KCNIP1: variants seen among roughly 807,000 people sequenced by gnomAD.
KCNIP1 encodes the protein potassium voltage-gated channel interacting protein 1, also known as A-type potassium channel modulatory protein KCNIP1.
A neutral mutation model predicts 33.0 loss-of-function variants in KCNIP1; 18 were observed. That is an observed-to-expected ratio of 0.55 (90% CI 0.38 to 0.81). The LOEUF is 0.81. Among genes scored for constraint, KCNIP1 ranks in the 30% least tolerant of loss-of-function variants. The pLI is 0.00. For synonymous variants in KCNIP1, 93 were observed against 98.3 expected, an observed-to-expected ratio of 0.95 and a Z score of 0.32; for missense variants, 238 against 271.6, an observed-to-expected ratio of 0.88 and a Z score of 0.87.
chr5:170,433,161 G>A (rs1581187795), intron 1 of KCNIP1, among the ~76,000 whole-genome samples: 1 of 152,104 alleles, frequency 6.6e-6, no homozygotes, highest in African/African-American at 2.4e-5. Context: ...GAACCCAGGT[G>A]CCGATGTTTT....
At chr5:170,734,221 C>T (rs1354792050) in intron 7 of KCNIP1, among the ~76,000 whole-genome samples, 1 of 146,048 alleles carries the variant, frequency 6.8e-6, no homozygotes, top group Non-Finnish European at 1.5e-5. Flanking sequence ...GCTTGATGAC[C>T]CATTTCCCAG....
At chr5:170,386,134 C>CA (rs1354580649) in intron 1 of KCNIP1, among the ~76,000 whole-genome samples, 3 of 142,190 alleles carry the variant, frequency 2.1e-5, no homozygotes, top group Non-Finnish European at 4.6e-5. Flanking sequence ...AAAAAAAAAA[C>CA]AAAAAACAAA....
intron 1 of KCNIP1, among the ~76,000 whole-genome samples, chr5:170,388,864 C>T (rs314106): frequency 0.38 from 57,609 of 152,080 alleles, 11,010 homozygotes; most frequent in African/African-American, 0.44. Flanking sequence ...AAATCAGCCC[C>T]CAGTAAATAT....
intron 1 of KCNIP1, among the ~76,000 whole-genome samples, chr5:170,576,727 G>A (rs1040669296): frequency 1.3e-5 from 2 of 152,068 alleles, no homozygotes; most frequent in African/African-American, 2.4e-5. Flanking sequence ...AATTAACCTG[G>A]TACCTGTCAC....
intron 1 of KCNIP1, among the ~76,000 whole-genome samples, chr5:170,406,648 T>A (rs1317576333): frequency 6.6e-6 from 1 of 152,152 alleles, no homozygotes; most frequent in African/African-American, 2.4e-5. Flanking sequence ...GGAAAGCGGT[T>A]TATTTCTCCT....
At chr5:170,417,746 C>T (rs1178824575) in intron 1 of KCNIP1, among the ~76,000 whole-genome samples, 1 of 152,218 alleles carries the variant, frequency 6.6e-6, no homozygotes, top group Non-Finnish European at 1.5e-5. Context: ...TGAGTCAAAT[C>T]ACCTGAACAT....
intron 1 of KCNIP1, among the ~76,000 whole-genome samples, chr5:170,398,198 A>G (rs1754808471): frequency 6.6e-6 from 1 of 152,184 alleles, no homozygotes; most frequent in Non-Finnish European, 1.5e-5. Context: ...TTTTCAGGTT[A>G]CTTTTGGAAT....
chr5:170,630,889 G>C (rs1760028701), intron 1 of KCNIP1, among the ~76,000 whole-genome samples: 1 of 152,168 alleles, frequency 6.6e-6, no homozygotes. Context: ...GATGAGTGCA[G>C]CGTGCAGATA....
upstream of KCNIP1, among the ~76,000 whole-genome samples, chr5:170,503,346 A>G (rs1757454684): frequency 6.7e-6 from 1 of 149,586 alleles, no homozygotes; most frequent in Admixed American, 6.7e-5. Context: ...GTGAGCAGAG[A>G]TCGCACCACT....
chr5:170,678,925 T>C (rs1762236182), intron 1 of KCNIP1: 1 of 152,216 alleles, frequency 6.6e-6, no homozygotes, highest in African/African-American at 2.4e-5. Flanking sequence ...AGTATTGACT[T>C]ACCAGAAACA....
rs79715121 is a variant in KCNIP1 at position 170,555,266 on chromosome 5, G to A, written c.61+50633G>A. On this transcript the variant is annotated intron_variant, in intron 1 of 7. Transcript: ENST00000328939. ...GGTGATTTCAGAGCGCTTGCTGCATGCACATGGGAAATAGCTTCCAAGGAG... is the reference window on the plus strand; with the variant it reads ...GGTGATTTCAGAGCGCTTGCTGCATACACATGGGAAATAGCTTCCAAGGAG... Among the ~76,000 whole-genome samples, 376 of 152,276 alleles carry A rather than the reference G, an allele frequency of 2.5e-3. 1 individual carries two copies. Among genetic ancestry groups the A allele is most frequent in the Non-Finnish European group, 4.1e-3 (280 of 68,012 alleles).
intron 1 of KCNIP1, among the ~76,000 whole-genome samples, chr5:170,515,884 G>A (rs151091378): frequency 4.6e-5 from 7 of 152,300 alleles, no homozygotes; most frequent in African/African-American, 1.7e-4. Context: ...CGAAAGAGGC[G>A]GCATTAGAGC....
chr5:170,476,526 A>G (rs1381344683), intron 1 of KCNIP1, among the ~76,000 whole-genome samples: 1 of 152,226 alleles, frequency 6.6e-6, no homozygotes, highest in East Asian at 1.9e-4. Context: ...ACACAATATG[A>G]ATAGAAAAAT....
At chr5:170,361,252 G>T (rs1344989567) in intron 1 of KCNIP1, among the ~76,000 whole-genome samples, 1 of 152,208 alleles carries the variant, frequency 6.6e-6, no homozygotes, top group Non-Finnish European at 1.5e-5. Context: ...AGCTTTGGGG[G>T]AGAGGATGTG....
At chr5:170,430,892 G>C (rs1383713049) in intron 1 of KCNIP1, among the ~76,000 whole-genome samples, 1 of 152,194 alleles carries the variant, frequency 6.6e-6, no homozygotes, top group African/African-American at 2.4e-5. Flanking sequence ...TGAGCGGCCA[G>C]CCTGCCTCCT....
chr5:170,497,960 G>A (rs1757342505), intron 1 of KCNIP1, among the ~76,000 whole-genome samples: 1 of 152,254 alleles, frequency 6.6e-6, no homozygotes, highest in Admixed American at 6.5e-5. Flanking sequence ...GGCAGAGCCT[G>A]TGCCCCGGCT....
chr5:170,665,137 C>T (rs917878257), intron 1 of KCNIP1, among the ~76,000 whole-genome samples: 1 of 152,044 alleles, frequency 6.6e-6, no homozygotes, highest in Non-Finnish European at 1.5e-5. Context: ...TAAAATGGGG[C>T]TTTCATTCTC....
chr5:170,359,528 C>A (rs1763444410), intron 1 of KCNIP1, among the ~76,000 whole-genome samples: 1 of 152,192 alleles, frequency 6.6e-6, no homozygotes, highest in Non-Finnish European at 1.5e-5. Flanking sequence ...AGGGGCTGAG[C>A]AAGCACTCTG....
At chr5:170,567,852 C>T (rs761747277) in intron 1 of KCNIP1, among the ~76,000 whole-genome samples, 3 of 152,232 alleles carry the variant, frequency 2.0e-5, no homozygotes, top group East Asian at 1.9e-4. Context: ...CACAGCAACA[C>T]GTCCCACTGC....
Sources: allele counts gnomAD v4.1 joint callset (sites outside exome capture counted in the v4.1 genomes callset), GRCh38; gene constraint gnomAD v4.1.1; transcripts MANE v1.5; gene names NCBI Gene and HGNC (gene_info 2026-07-23, HGNC 2026-07-21).